Variants in H4C4 observed in about 807,000 individuals in gnomAD.
The protein encoded by H4C4 is histone H4.
A neutral mutation model predicts 4.4 loss-of-function variants in H4C4; 8 were observed. That is an observed-to-expected ratio of 1.81 (90% CI 1.06 to 3.27). The LOEUF (loss-of-function observed/expected upper bound fraction) is 3.27. H4C4 is among the 30% of genes most tolerant of loss of function. H4C4 has a pLI of 0.00. For synonymous variants in H4C4, 130 were observed against 59.4 expected (o/e 2.19, Z -5.46); for missense variants, 223 against 148.9 (o/e 1.50, Z -2.59).
chr6:26,188,765 T>C lies in H4C4; in HGVS notation c.312A>G (p.Ter104TrpextTer?), dbSNP rs1404078628. Residue 104 changes from the stop codon to tryptophan, a stop_lost, in exon 1 of 1, where the codon TGA (stop) becomes TGG (tryptophan). Coordinates refer to ENST00000614247, the MANE Select transcript of H4C4 (RefSeq NM_003539.4). ...GCGGTAGTGTACTGTAGAGGTAAGC[T>C]CAGCCGCCGAAGCCATAAAGAGTGC... ...QGRTLYGFGG[*>W] 2 of 1,614,004 alleles carry C rather than the reference T, an allele frequency of 1.2e-6. No individual in the cohort carries two copies. The highest frequency in any genetic ancestry group is 2.2e-5 in the East Asian group (1 of 44,886).
Position 26,188,877 on chromosome 6 carries a change from A to G in H4C4, c.200T>C (p.Ile67Thr), listed in dbSNP as rs149672595. ...GVLKVFLENV[I>T]RDAVTYTEHA... ...TTCCGTGTAGGTGACAGCATCGCGG[A>G]TTACATTTTCCAGGAAAACTTTCAG... Residue 67 changes from isoleucine to threonine, a missense_variant, in exon 1 of 1, where the codon ATC becomes ACC. By Grantham distance (89) the Ile-to-Thr change is moderately conservative. Coordinates refer to ENST00000614247, the MANE Select transcript of H4C4 (RefSeq NM_003539.4). 32 of 1,614,076 alleles carry G rather than the reference A, an allele frequency of 2.0e-5. No homozygotes were observed. Among genetic ancestry groups the G allele is most frequent in the Non-Finnish European group, 2.5e-5 (30 of 1,180,038 alleles).
rs780709577 is a variant in H4C4, at chr6:26,189,049, C to T, written c.28G>A (p.Gly10Ser). The T allele has an allele frequency of 6.9e-6, 11 of 1,593,162 alleles. No homozygotes were observed. Among genetic ancestry groups the T allele is most frequent in the South Asian group, 1.1e-5 (1 of 90,226 alleles). The change falls in exon 1 of 1, where the codon GGT becomes AGT. Residue 10 changes from glycine (G) to serine (S), a missense_variant. Gly to Ser is a moderately conservative substitution (Grantham distance 56). Coordinates refer to ENST00000614247, the MANE Select transcript of H4C4 (RefSeq NM_003539.4). ...CGCTTGGCGCCACCCTTACCTAGAC[C>T]CTTTCCGCCCTTACCGCGGCCAGAC... MSGRGKGGK[G>S]LGKGGAKRHR... is the part of the protein sequence containing the mutation.
chr6:26,189,069 C>T lies in H4C4; in HGVS notation c.8G>A (p.Gly3Asp), dbSNP rs749934539. The change falls in exon 1 of 1, where the codon GGC becomes GAC. Residue 3 changes from glycine to aspartate, a missense_variant. Transcript: ENST00000614247. The stretch of plus-strand genomic sequence containing the variant: ...TAGACCCTTTCCGCCCTTACCGCGG[C>T]CAGACATCTTGAAACCACAGCTGTT... MSGRGKGGKGLGK... is the reference protein window; with the variant it reads MSDRGKGGKGLGK... 7.6e-6 allele frequency: 12 copies of T among 1,584,276 alleles called. No individual in the cohort carries two copies. Among genetic ancestry groups the T allele is most frequent in the Non-Finnish European group, 1.0e-5 (12 of 1,162,932 alleles).
chr6:26,188,954 G>T lies in H4C4; in HGVS notation c.123C>A (p.Arg41=), dbSNP rs746214961. 1 of 1,614,172 alleles carries T rather than the reference G, an allele frequency of 6.2e-7. No individual in the cohort carries two copies. The highest frequency in any genetic ancestry group is 1.6e-4 in the Middle Eastern group (1 of 6,062). ...GGCCAGAAATACGCTTGACGCCGCC[G>T]CGGCGAGCCAGGCGGCGGATAGCGG... is the stretch of plus-strand genomic sequence containing the variant. ...TKPAIRRLAR[R]GGVKRISGLI... Residue 41 remains arginine (R), a synonymous_variant, in exon 1 of 1, where the codon CGC becomes CGA. Transcript: ENST00000614247.
In H4C4 at chr6:26,188,722, A is replaced by C; in HGVS notation, c.*43T>G. ...TCTCCTGAGTGGATAGGTGGCCCTGAAAAGGGCCGTTGGTTTTGCGGTAGT... is the reference window on the plus strand; with the variant it reads ...TCTCCTGAGTGGATAGGTGGCCCTGCAAAGGGCCGTTGGTTTTGCGGTAGT... On this transcript the variant is annotated 3_prime_UTR_variant, in exon 1 of 1. Transcript: ENST00000614247. 6.3e-7 allele frequency: 1 copy of C among 1,582,714 alleles called. No homozygotes were observed. Among genetic ancestry groups the C allele is most frequent in the Non-Finnish European group, 8.6e-7 (1 of 1,159,840 alleles).
Position 26,189,071 on chromosome 6 carries a change from A to G in H4C4, c.6T>C (p.Ser2=). The G allele has an allele frequency of 6.3e-7, 1 of 1,583,260 alleles. No homozygotes were observed. Among genetic ancestry groups the G allele is most frequent in the Non-Finnish European group, 8.6e-7 (1 of 1,162,522 alleles). M[S]GRGKGGKGLG... The stretch of plus-strand genomic sequence containing the variant: ...GACCCTTTCCGCCCTTACCGCGGCC[A>G]GACATCTTGAAACCACAGCTGTTAA... The change falls in exon 1 of 1, where the codon TCT becomes TCC. Residue 2 remains serine (S), a synonymous_variant. Coordinates refer to ENST00000614247, the MANE Select transcript of H4C4 (RefSeq NM_003539.4).
rs1193792560 is a variant in H4C4, at chr6:26,188,975, A to G, written c.102T>C (p.Ala34=). Residue 34 remains alanine, a synonymous_variant, in exon 1 of 1, where the codon GCT becomes GCC. Transcript: ENST00000614247. ...CGCCGCGGCGAGCCAGGCGGCGGAT[A>G]GCGGGCTTGGTGATTCCTTGGATAT... The part of the protein sequence containing the change: ...RDNIQGITKP[A]IRRLARRGGV... 3 of 1,614,196 alleles carry G rather than the reference A, an allele frequency of 1.9e-6. No homozygotes were observed. Among genetic ancestry groups the G allele is most frequent in the Non-Finnish European group, 1.7e-6 (2 of 1,180,012 alleles).
chr6:26,188,871 T>G lies in H4C4; in HGVS notation c.206A>C (p.Asp69Ala). 2 of 1,614,238 alleles carry G rather than the reference T, an allele frequency of 1.2e-6. No individual in the cohort carries two copies. The highest frequency in any genetic ancestry group is 1.7e-6 in the Non-Finnish European group (2 of 1,180,044). The stretch of plus-strand genomic sequence containing the variant: ...GGCGTGTTCCGTGTAGGTGACAGCA[T>G]CGCGGATTACATTTTCCAGGAAAAC... ...LKVFLENVIR[D>A]AVTYTEHAKR... The change falls in exon 1 of 1, where the codon GAT (aspartate) becomes GCT (alanine). Residue 69 changes from aspartate to alanine, a missense_variant. Asp to Ala is a moderately radical substitution (Grantham distance 126). Coordinates refer to ENST00000614247, the MANE Select transcript of H4C4 (RefSeq NM_003539.4).
Position 26,188,996 on chromosome 6 carries a change from G to A in H4C4, c.81C>T (p.Ile27=). 6 of 1,614,078 alleles carry A rather than the reference G, an allele frequency of 3.7e-6. No individual in the cohort carries two copies. The highest frequency in any genetic ancestry group is 1.1e-5 in the South Asian group (1 of 91,084). ...GGATAGCGGGCTTGGTGATTCCTTG[G>A]ATATTGTCACGCAATACCTTACGGT... ...KRHRKVLRDN[I]QGITKPAIRR... The change falls in exon 1 of 1, where the codon ATC becomes ATT. Residue 27 remains isoleucine (I), a synonymous_variant. Transcript: ENST00000614247.
rs143468197 is a variant in H4C4 at position 26,189,106 on chromosome 6, G to A, written c.-30C>T. 663 of 1,539,288 alleles carry A rather than the reference G, an allele frequency of 4.3e-4. 1 individual carries two copies. The highest frequency in any genetic ancestry group is 1.7e-3 in the East Asian group (75 of 44,104). On this transcript the variant is annotated 5_prime_UTR_variant, in exon 1 of 1. Transcript: ENST00000614247. ...AAACCACAGCTGTTAAATCTGTAAC[G>A]CAATACGTCTGGCAGAGCCACGCAG...
chr6:26,188,985 G>A lies in H4C4; in HGVS notation c.92C>T (p.Thr31Ile). The A allele has an allele frequency of 6.2e-7, 1 of 1,614,148 alleles. No individual in the cohort carries two copies. Among genetic ancestry groups the A allele is most frequent in the Non-Finnish European group, 8.5e-7 (1 of 1,179,996 alleles). Reference sequence around the variant, plus strand: ...AGCCAGGCGGCGGATAGCGGGCTTGGTGATTCCTTGGATATTGTCACGCAA... The same window carrying A: ...AGCCAGGCGGCGGATAGCGGGCTTGATGATTCCTTGGATATTGTCACGCAA... ...KVLRDNIQGI[T>I]KPAIRRLARR... The change falls in exon 1 of 1, where the codon ACC (threonine) becomes ATC (isoleucine). Residue 31 changes from threonine to isoleucine, a missense_variant. Transcript: ENST00000614247.
rs763133612 is a variant in H4C4 at position 26,188,989 on chromosome 6, T to C, written c.88A>G (p.Ile30Val). Residue 30 changes from isoleucine to valine, a missense_variant, in exon 1 of 1, where the codon ATC (isoleucine) becomes GTC (valine). Transcript: ENST00000614247. ...RKVLRDNIQG[I>V]TKPAIRRLAR... is the part of the protein sequence containing the mutation. ...AGGCGGCGGATAGCGGGCTTGGTGA[T>C]TCCTTGGATATTGTCACGCAATACC... The C allele has an allele frequency of 1.9e-6, 3 of 1,614,120 alleles. No homozygotes were observed. In the East Asian group the frequency reaches 6.7e-5, roughly 36 times the overall value.
At position 26,189,069 on chromosome 6, in the gene H4C4, C is replaced by G. The variant is rs749934539; in HGVS notation, c.8G>C (p.Gly3Ala). 8 of 1,584,276 alleles carry G rather than the reference C, an allele frequency of 5.0e-6. No homozygotes were observed. The highest frequency in any genetic ancestry group is 2.7e-5 in the African/African-American group (2 of 73,678). The stretch of plus-strand genomic sequence containing the variant: ...TAGACCCTTTCCGCCCTTACCGCGG[C>G]CAGACATCTTGAAACCACAGCTGTT... MS[G>A]RGKGGKGLGK... Residue 3 changes from glycine (G) to alanine (A), a missense_variant, in exon 1 of 1, where the codon GGC becomes GCC. Transcript: ENST00000614247.
chr6:26,188,740 G>T lies in H4C4; in HGVS notation c.*25C>A. ...GGCCCTGAAAAGGGCCGTTGGTTTT[G>T]CGGTAGTGTACTGTAGAGGTAAGCT... is the stretch of plus-strand genomic sequence containing the variant. On this transcript the variant is annotated 3_prime_UTR_variant, in exon 1 of 1. Transcript: ENST00000614247. 3 of 1,602,108 alleles carry T rather than the reference G, an allele frequency of 1.9e-6. No homozygotes were observed. The highest frequency in any genetic ancestry group is 2.6e-6 in the Non-Finnish European group (3 of 1,174,242).
chr6:26,188,725 AG>A lies in H4C4; in HGVS notation c.*39del. 6.3e-7 allele frequency: 1 copy of A among 1,588,692 alleles called. No homozygotes were observed. Among genetic ancestry groups the A allele is most frequent in the South Asian group, 1.1e-5 (1 of 89,134 alleles). On this transcript the variant is annotated 3_prime_UTR_variant, in exon 1 of 1. Transcript: ENST00000614247. ...CCTGAGTGGATAGGTGGCCCTGAAAAGGGCCGTTGGTTTTGCGGTAGTGTAC... is the reference window on the plus strand; with the variant it reads ...CCTGAGTGGATAGGTGGCCCTGAAAAGGCCGTTGGTTTTGCGGTAGTGTAC...
chr6:26,188,934 G>A lies in H4C4; in HGVS notation c.143C>T (p.Ser48Phe), dbSNP rs752846007. The change falls in exon 1 of 1, where the codon TCT becomes TTT. Residue 48 changes from serine to phenylalanine, a missense_variant. Coordinates refer to ENST00000614247, the MANE Select transcript of H4C4 (RefSeq NM_003539.4). ...GCGAGTTTCCTCATAAATGAGGCCA[G>A]AAATACGCTTGACGCCGCCGCGGCG... The part of the protein sequence containing the change: ...LARRGGVKRI[S>F]GLIYEETRGV... 2 of 1,614,218 alleles carry A rather than the reference G, an allele frequency of 1.2e-6. No homozygotes were observed. The highest frequency in any genetic ancestry group is 1.7e-6 in the Non-Finnish European group (2 of 1,180,032).
rs1376354406 is a variant in H4C4 at position 26,188,826 on chromosome 6, G to A, written c.251C>T (p.Ala84Val). 4.3e-6 allele frequency: 7 copies of A among 1,614,118 alleles called. No homozygotes were observed. The highest frequency in any genetic ancestry group is 5.9e-6 in the Non-Finnish European group (7 of 1,180,052). ...TEHAKRKTVT[A>V]MDVVYALKRQ... Reference sequence around the variant, plus strand: ...CTTGAGCGCGTACACCACGTCCATGGCTGTGACTGTCTTGCGTTTGGCGTG... The same window carrying A: ...CTTGAGCGCGTACACCACGTCCATGACTGTGACTGTCTTGCGTTTGGCGTG... The change falls in exon 1 of 1, where the codon GCC (alanine) becomes GTC (valine). Residue 84 changes from alanine (A) to valine (V), a missense_variant. Coordinates refer to ENST00000614247, the MANE Select transcript of H4C4 (RefSeq NM_003539.4).
Position 26,188,827 on chromosome 6 carries a change from CTG to C in H4C4, c.248_249del (p.Thr83SerfsTer?). 1 of 1,614,262 alleles carries C rather than the reference CTG, an allele frequency of 6.2e-7. No homozygotes were observed. The part of the protein sequence containing the change: ...YTEHAKRKTV[T>X]AMDVVYALKR... ...TTGAGCGCGTACACCACGTCCATGG[CTG>C]TGACTGTCTTGCGTTTGGCGTGTTC... is the stretch of plus-strand genomic sequence containing the variant. On this transcript the variant is annotated frameshift_variant, in exon 1 of 1. Coordinates refer to ENST00000614247, the MANE Select transcript of H4C4 (RefSeq NM_003539.4). LOFTEE classifies it high-confidence loss of function.
Position 26,188,984 on chromosome 6 carries a change from G to A in H4C4, c.93C>T (p.Thr31=). The part of the protein sequence containing the change: ...KVLRDNIQGI[T]KPAIRRLARR... Reference sequence around the variant, plus strand: ...GAGCCAGGCGGCGGATAGCGGGCTTGGTGATTCCTTGGATATTGTCACGCA... The same window carrying A: ...GAGCCAGGCGGCGGATAGCGGGCTTAGTGATTCCTTGGATATTGTCACGCA... Residue 31 remains threonine (T), a synonymous_variant, in exon 1 of 1, where the codon ACC becomes ACT. Transcript: ENST00000614247. 1.9e-6 allele frequency: 3 copies of A among 1,614,132 alleles called. No individual in the cohort carries two copies. Among genetic ancestry groups the A allele is most frequent in the South Asian group, 2.2e-5 (2 of 91,084 alleles).
Sources: gnomAD v4.1 joint callset for allele counts on GRCh38, gnomAD v4.1.1 for gene constraint, MANE v1.5 for transcripts, NCBI Gene and HGNC (gene_info 2026-07-23, HGNC 2026-07-21) for gene names.